PCNX2: variants seen among roughly 807,000 people sequenced by gnomAD.
PCNX2 encodes pecanex 2.
PCNX2 carries 168 observed loss-of-function variants against 223.8 expected under a neutral mutation model. The ratio of observed to expected loss-of-function variants is 0.75; its 90% CI spans 0.66 to 0.85. The LOEUF (loss-of-function observed/expected upper bound fraction) is 0.85, where lower values mean the gene tolerates loss of function less well. Ranked by LOEUF, PCNX2 falls within the 40% of genes least tolerant of loss-of-function variation. PCNX2 has a pLI of 0.00. For synonymous variants in PCNX2, 1,006 were observed against 1,052.6 expected (o/e 0.96, Z 0.86); for missense variants, 2,507 against 2,675.5 (o/e 0.94, Z 1.39).
At chr1:233,168,441 ATT>A (rs936034044) in intron 17 of PCNX2, among the ~76,000 whole-genome samples, 5 of 151,894 alleles carry the variant, frequency 3.3e-5, no homozygotes, top group Admixed American at 6.6e-5. Flanking sequence ...TTTCCACAGT[ATT>A]TTCTTTTGTA....
At chr1:233,290,160 G>C (rs1305532545) in intron 1 of PCNX2, among the ~76,000 whole-genome samples, 1 of 151,136 alleles carries the variant, frequency 6.6e-6, no homozygotes, top group East Asian at 2.0e-4. Context: ...GGTATTAGGG[G>C]GTTAGGGGTA....
intron 23 of PCNX2, among the ~76,000 whole-genome samples, chr1:233,061,113 G>A (rs1037704123): frequency 2.6e-5 from 4 of 152,158 alleles, no homozygotes; most frequent in Non-Finnish European, 5.9e-5. Flanking sequence ...ATTTTTTGGT[G>A]AGGAAATACT....
chr1:233,103,123 T>A (rs1558233618), intron 21 of PCNX2, among the ~76,000 whole-genome samples: 1 of 147,080 alleles, frequency 6.8e-6, no homozygotes, highest in Non-Finnish European at 1.5e-5. Context: ...GCATCATTTA[T>A]AATGTTTTTA....
intron 1 of PCNX2, among the ~76,000 whole-genome samples, chr1:233,266,347 TA>T (rs1660332241): frequency 6.6e-6 from 1 of 152,030 alleles, no homozygotes; most frequent in African/African-American, 2.4e-5. Flanking sequence ...GTCTTATTCA[TA>T]ATTAATTAAT....
chr1:233,236,186 A>G (rs1038401937), intron 9 of PCNX2, among the ~76,000 whole-genome samples: 20 of 151,710 alleles, frequency 1.3e-4, no homozygotes, highest in Non-Finnish European at 1.5e-5. Context: ...AGCCTTCCCC[A>G]TTACCCCTCC....
chr1:233,102,081 ATTTTTCTTTTT>A (rs1674513440), intron 21 of PCNX2, among the ~76,000 whole-genome samples: 1 of 143,028 alleles, frequency 7.0e-6, no homozygotes, highest in African/African-American at 2.6e-5. Flanking sequence ...CATGAGATTC[ATTTTTCTTTTT>A]TTTTTTTTTT....
rs1426152210 is a variant in PCNX2 at position 233,181,869 on chromosome 1, A to G, written c.3067-2694T>C. Among the ~76,000 whole-genome samples the G allele has an allele frequency of 2.6e-5, 4 of 152,336 alleles. No individual in the cohort carries two copies. The South Asian group carries it at 6.2e-4, about 24-fold the overall frequency. On this transcript the variant is annotated intron_variant, in intron 15 of 33. Coordinates refer to ENST00000258229, the MANE Select transcript of PCNX2 (RefSeq NM_014801.4). ...ATCACCTCACAAAGCCCTCGCCTCC[A>G]ATACCATTACATTGGGGATTAGGTT... is the stretch of plus-strand genomic sequence containing the variant.
At chr1:233,288,853 T>A (rs915291209) in intron 1 of PCNX2, 155 of 1,074,730 alleles carry the variant, frequency 1.4e-4, no homozygotes, top group Non-Finnish European at 1.5e-4. Context: ...TTTTATTTAG[T>A]CATTTTTGTT....
Position 232,986,128 on chromosome 1 carries a change from C to T in PCNX2, c.6204G>A (p.Met2068Ile). ...GGCTGGCAGCCCTGGCTGAGGGGCC[C>T]ATCACGATGTTGACGCTGCTGGATG... The part of the protein sequence containing the change: ...TQSSSSVNIV[M>I]GPSARAASQA... The change falls in exon 33 of 34, where the codon ATG becomes ATA. Residue 2068 changes from methionine to isoleucine, a missense_variant. Met to Ile is a conservative substitution (Grantham distance 10). This residue lies in a region of PCNX2 where 1,372 missense variants were observed against 1,509.4 expected (regional missense o/e 0.91). Transcript: ENST00000258229. 1 of 1,568,756 alleles carries T rather than the reference C, an allele frequency of 6.4e-7. No individual in the cohort carries two copies. The highest frequency in any genetic ancestry group is 8.6e-7 in the Non-Finnish European group (1 of 1,156,134).
intron 1 of PCNX2, among the ~76,000 whole-genome samples, chr1:233,288,569 GC>G (rs1177744284): frequency 6.6e-6 from 1 of 152,150 alleles, no homozygotes; most frequent in Non-Finnish European, 1.5e-5. Flanking sequence ...CAGAAAGAGA[GC>G]AACTGACTCA....
chr1:233,201,832 C>T (rs1558338044), intron 13 of PCNX2: 1 of 163,638 alleles, frequency 6.1e-6, no homozygotes. Context: ...TGCAACAAAA[C>T]CCAAAGAAAT....
chr1:233,177,196 T>C (rs1679525875), intron 17 of PCNX2, among the ~76,000 whole-genome samples: 1 of 152,234 alleles, frequency 6.6e-6, no homozygotes, highest in African/African-American at 2.4e-5. Flanking sequence ...ATGTACTTTA[T>C]GTTCTTAGCT....
intron 28 of PCNX2, among the ~76,000 whole-genome samples, chr1:233,004,051 T>C (rs1670188943): frequency 2.6e-5 from 4 of 152,000 alleles, no homozygotes; most frequent in Admixed American, 2.6e-4. Context: ...ATAACTAATG[T>C]AGATGACGGA....
intron 32 of PCNX2, among the ~76,000 whole-genome samples, chr1:232,989,152 G>A (rs896538622): frequency 4.0e-5 from 6 of 151,674 alleles, no homozygotes; most frequent in East Asian, 1.9e-4. Context: ...TTTCAAATTC[G>A]CCCTTCAAAA....
intron 21 of PCNX2, among the ~76,000 whole-genome samples, chr1:233,117,000 A>T (rs1292105263): frequency 5.3e-5 from 8 of 152,224 alleles, no homozygotes; most frequent in Admixed American, 5.2e-4. Context: ...GAATACTATG[A>T]ACAACAACAC....
At chr1:233,072,308 T>G (rs1672892285) in intron 23 of PCNX2, among the ~76,000 whole-genome samples, 1 of 152,238 alleles carries the variant, frequency 6.6e-6, no homozygotes, top group African/African-American at 2.4e-5. Context: ...TCAACTTGAG[T>G]TAATATTTGC....
intron 21 of PCNX2, among the ~76,000 whole-genome samples, chr1:233,125,205 G>T (rs893811593): frequency 6.6e-6 from 1 of 152,162 alleles, no homozygotes; most frequent in African/African-American, 2.4e-5. Context: ...GAAGGCTCTG[G>T]CATTGCTGAA....
intron 19 of PCNX2, among the ~76,000 whole-genome samples, chr1:233,146,884 G>A (rs552045090): frequency 6.6e-6 from 1 of 152,148 alleles, no homozygotes; most frequent in Non-Finnish European, 1.5e-5. Flanking sequence ...TTTGAGTGGA[G>A]GGACATAATC....
intron 25 of PCNX2, among the ~76,000 whole-genome samples, chr1:233,040,875 CT>C (rs1671621476): frequency 6.6e-6 from 1 of 152,150 alleles, no homozygotes. Flanking sequence ...CAAAAAATTG[CT>C]TTCCCTCTAA....
Sources: allele counts gnomAD v4.1 joint callset (sites outside exome capture counted in the v4.1 genomes callset), GRCh38; gene constraint gnomAD v4.1.1; regional missense constraint gnomAD v4.1.1; transcripts MANE v1.5; gene names NCBI Gene and HGNC (gene_info 2026-07-23, HGNC 2026-07-21).